The following RPS6KC1 variants were observed in gnomAD, a reference collection of about 807,000 sequenced individuals.
The protein encoded by RPS6KC1 is inactive ribosomal protein S6 kinase delta-1.
Under a neutral mutation model 103.8 loss-of-function variants are expected in RPS6KC1, and 54 were observed. The observed-to-expected ratio is 0.52, with a 90% CI of 0.42 to 0.65. RPS6KC1 has a LOEUF of 0.65. RPS6KC1 is among the 30% of genes least tolerant of loss of function. The probability of loss-of-function intolerance (pLI) is 0.00; values close to 1 mark genes in which losing one functional copy is unlikely to be tolerated. For synonymous variants in RPS6KC1, 439 were observed against 438.7 expected (o/e 1.00, Z -0.01); for missense variants, 1,151 against 1,253.8 (o/e 0.92, Z 1.24).
the RPS6KC1 span, among the ~76,000 whole-genome samples, chr1:213,634,223 A>G: frequency 3.9e-5 from 6 of 152,066 alleles, no homozygotes; most frequent in Non-Finnish European, 7.4e-5. Flanking sequence ...TCTGCATCAC[A>G]TGGACCTAAT....
At chr1:213,638,857 G>A in the RPS6KC1 span, among the ~76,000 whole-genome samples, 1 of 152,004 alleles carries the variant, frequency 6.6e-6, no homozygotes, top group Non-Finnish European at 1.5e-5. Context: ...TTCTGTGTGT[G>A]TTTTAGAATC....
the RPS6KC1 span, among the ~76,000 whole-genome samples, chr1:213,631,028 T>A: frequency 6.6e-6 from 1 of 152,182 alleles, no homozygotes; most frequent in Non-Finnish European, 1.5e-5. Flanking sequence ...GGATATAATC[T>A]CCTGGTGTGC....
the RPS6KC1 span, among the ~76,000 whole-genome samples, chr1:213,365,160 T>C: frequency 1.3e-5 from 2 of 152,220 alleles, no homozygotes; most frequent in Admixed American, 6.5e-5. Context: ...CCTTTGCAAA[T>C]GCAGAACCAG....
intron 3 of RPS6KC1, among the ~76,000 whole-genome samples, chr1:213,097,126 C>T (rs1011307299): frequency 1.4e-4 from 21 of 152,176 alleles, no homozygotes; most frequent in South Asian, 2.1e-4. Context: ...GAGGCCAAGG[C>T]GGGTGGATCA....
At chr1:213,826,586 A>C in the RPS6KC1 span, among the ~76,000 whole-genome samples, 2 of 152,214 alleles carry the variant, frequency 1.3e-5, no homozygotes, top group Non-Finnish European at 2.9e-5. Flanking sequence ...TATTAATACT[A>C]AGAATTTTAA....
the RPS6KC1 span, among the ~76,000 whole-genome samples, chr1:213,551,386 C>T: frequency 1.3e-5 from 2 of 152,150 alleles, no homozygotes; most frequent in Non-Finnish European, 2.9e-5. Flanking sequence ...GAGCCCTCCA[C>T]GGTGGTACCT....
At chr1:213,600,034 A>G in the RPS6KC1 span, among the ~76,000 whole-genome samples, 6 of 152,210 alleles carry the variant, frequency 3.9e-5, no homozygotes, top group African/African-American at 1.4e-4. Flanking sequence ...TGCTATTCTC[A>G]TGATAGTGAG....
At chr1:213,706,209 G>A in the RPS6KC1 span, among the ~76,000 whole-genome samples, 1 of 152,110 alleles carries the variant, frequency 6.6e-6, no homozygotes, top group South Asian at 2.1e-4. Flanking sequence ...GTTTTTATAG[G>A]GCCCCACATC....
At chr1:213,332,976 A>G in the RPS6KC1 span, among the ~76,000 whole-genome samples, 1 of 152,264 alleles carries the variant, frequency 6.6e-6, no homozygotes, top group South Asian at 2.1e-4. Flanking sequence ...AATGGGCTGG[A>G]CATCAGATGG....
the RPS6KC1 span, among the ~76,000 whole-genome samples, chr1:213,788,191 A>C: frequency 6.6e-6 from 1 of 152,194 alleles, no homozygotes; most frequent in South Asian, 2.1e-4. Flanking sequence ...TGCTGAAATG[A>C]TCTTTACCAC....
chr1:213,217,068 TC>T (rs1359074833), intron 8 of RPS6KC1, among the ~76,000 whole-genome samples: 1 of 151,516 alleles, frequency 6.6e-6, no homozygotes, highest in Non-Finnish European at 1.5e-5. Context: ...CTTCAAAACA[TC>T]AATGAATCCA....
the RPS6KC1 span, among the ~76,000 whole-genome samples, chr1:213,504,741 A>T: frequency 1.3e-5 from 2 of 152,154 alleles, no homozygotes; most frequent in Admixed American, 1.3e-4. Context: ...ATTTGATGCC[A>T]GTTTTATTCT....
At chr1:213,851,815 G>A in the RPS6KC1 span, among the ~76,000 whole-genome samples, 5 of 151,878 alleles carry the variant, frequency 3.3e-5, no homozygotes, top group Admixed American at 6.6e-5. Context: ...TCAAACCAGC[G>A]TGGGAGCCAC....
rs149870413 is a variant in RPS6KC1, at chr1:213,242,179, C to T, written c.2703C>T (p.Ile901=). ...TAGCACTAGCCTCCAGGTTTTACAT[C>T]CCAGAGGGCTGCATTCAAAGATGGG... The part of the protein sequence containing the change: ...KKLALASRFY[I]PEGCIQRWAA... Residue 901 remains isoleucine (I), a synonymous_variant, in exon 11 of 15, where the codon ATC becomes ATT. Transcript: ENST00000366960. 1 of 1,613,922 alleles carries T rather than the reference C, an allele frequency of 6.2e-7. No homozygotes were observed. Among genetic ancestry groups the T allele is most frequent in the Admixed American group, 1.7e-5 (1 of 59,972 alleles).
chr1:213,826,958 A>G, the RPS6KC1 span, among the ~76,000 whole-genome samples: 5 of 152,260 alleles, frequency 3.3e-5, no homozygotes, highest in Admixed American at 6.5e-5. Flanking sequence ...CATTCTCCCA[A>G]ACTGAGTCTG....
chr1:213,161,725 TA>T (rs1436600369), intron 6 of RPS6KC1, among the ~76,000 whole-genome samples: 1 of 152,226 alleles, frequency 6.6e-6, no homozygotes, highest in African/African-American at 2.4e-5. Context: ...ATTAATACAC[TA>T]AGTCAATTTA....
chr1:213,178,293 A>T (rs535292561), intron 8 of RPS6KC1, among the ~76,000 whole-genome samples: 2 of 151,768 alleles, frequency 1.3e-5, no homozygotes, highest in Non-Finnish European at 2.9e-5. Context: ...TAATCTCAGC[A>T]CTCTGGGAGG....
At chr1:213,136,418 A>C (rs1412983632) in intron 6 of RPS6KC1, among the ~76,000 whole-genome samples, 1 of 152,132 alleles carries the variant, frequency 6.6e-6, no homozygotes, top group Non-Finnish European at 1.5e-5. Flanking sequence ...TAACCATGGA[A>C]TGTGGAAGGA....
the RPS6KC1 span, among the ~76,000 whole-genome samples, chr1:213,631,889 T>A: frequency 6.6e-6 from 1 of 152,186 alleles, no homozygotes; most frequent in African/African-American, 2.4e-5. Context: ...CTAGAAACTT[T>A]AACACATGCA....
Sources: gnomAD v4.1 joint callset for allele counts (sites outside exome capture counted in the v4.1 genomes callset) on GRCh38, gnomAD v4.1.1 for gene constraint, MANE v1.5 for transcripts, NCBI Gene and HGNC (gene_info 2026-07-23, HGNC 2026-07-21) for gene names.